C6orf141: variants seen among roughly 807,000 people sequenced by gnomAD.
C6orf141 encodes uncharacterized protein C6orf141.
For missense variants in C6orf141, 361 were observed against 335.8 expected (o/e 1.07, Z -0.59); for synonymous variants, 164 against 140.5 (o/e 1.17, Z -1.18).
In C6orf141 at chr6:49,550,976, C is replaced by T. The variant is rs1209671249; in HGVS notation, c.184C>T (p.His62Tyr). The T allele has an allele frequency of 3.2e-6, 5 of 1,550,764 alleles. No homozygotes were observed. The South Asian group carries it at 6.0e-5, about 18-fold the overall frequency. ...AGASRSQGGG[H>Y]EDRTADRALG... ...GGCGAGCCGAAGCCAGGGCGGCGGC[C>T]ACGAGGACAGAACGGCAGATCGGGC... Residue 62 changes from histidine (H) to tyrosine (Y), a missense_variant, in exon 1 of 1, where the codon CAC becomes TAC. By Grantham distance (83) the His-to-Tyr change is moderately conservative. Transcript: ENST00000529246.
At position 49,550,898 on chromosome 6, in the gene C6orf141, G is replaced by A. The variant is rs1229932624; in HGVS notation, c.106G>A (p.Val36Ile). The A allele has an allele frequency of 6.5e-7, 1 of 1,527,518 alleles. No homozygotes were observed. The allele number at this position is 1,527,518 out of a possible 1,614,324, so 94.6% of individuals were successfully genotyped here. The part of the protein sequence containing the change: ...LGDLGPFPRE[V>I]GRGAPLAPGA... ...GGACCTCGGGCCTTTTCCGCGGGAG[G>A]TAGGGCGCGGGGCTCCGCTAGCTCC... Residue 36 changes from valine to isoleucine, a missense_variant, in exon 1 of 1, where the codon GTA becomes ATA. Coordinates refer to ENST00000529246, the MANE Select transcript of C6orf141 (RefSeq NM_001145652.2).
chr6:49,559,165 CATATATATATATATATATATATAT>C (rs66650945), intron 4 of C6orf141, among the ~76,000 whole-genome samples: 617 of 37,274 alleles, frequency 0.017, 18 homozygotes, highest in Middle Eastern at 0.028. Flanking sequence ...GGTCATTGTC[CATATATATATATATATATATATAT>C]ATATATATAT....
rs1561988878 is a variant in C6orf141, at chr6:49,550,865, A to G, written c.73A>G (p.Ser25Gly). 6.6e-7 allele frequency: 1 copy of G among 1,503,938 alleles called. No homozygotes were observed. The highest frequency in any genetic ancestry group is 2.5e-5 in the East Asian group (1 of 40,526). 93.2% of individuals were successfully genotyped at this position (1,503,938 alleles called of 1,614,324 possible). Residue 25 changes from serine (S) to glycine (G), a missense_variant, in exon 1 of 1, where the codon AGC becomes GGC. Ser to Gly is a moderately conservative substitution (Grantham distance 56, BLOSUM62 0). Coordinates refer to ENST00000529246, the MANE Select transcript of C6orf141 (RefSeq NM_001145652.2). ...GAANPMDSSR[S>G]LGDLGPFPRE... ...TGCGAATCCCATGGACTCCTCCCGC[A>G]GCCTGGGGGACCTCGGGCCTTTTCC...
chr6:49,556,749 G>T (rs1772022492), downstream of C6orf141, among the ~76,000 whole-genome samples: 1 of 152,160 alleles, frequency 6.6e-6, no homozygotes, highest in East Asian at 1.9e-4. Context: ...CTCTATAACT[G>T]CAGTCAGTAC....
downstream of C6orf141, among the ~76,000 whole-genome samples, chr6:49,556,186 T>C (rs1771900459): frequency 6.6e-6 from 1 of 152,228 alleles, no homozygotes; most frequent in African/African-American, 2.4e-5. Flanking sequence ...CATTGGATGA[T>C]TCACATTAAA....
chr6:49,560,567 C>T (rs924589890), intron 4 of C6orf141: 1 of 152,268 alleles, frequency 6.6e-6, no homozygotes, highest in Non-Finnish European at 1.5e-5. Flanking sequence ...ATGGCACGAT[C>T]TGAGCTCACT....
intron 4 of C6orf141, among the ~76,000 whole-genome samples, chr6:49,560,257 G>A (rs1043184718): frequency 1.3e-5 from 2 of 152,082 alleles, no homozygotes; most frequent in Non-Finnish European, 2.9e-5. Flanking sequence ...AGAGGTTGCA[G>A]TGAGCCGAGA....
In C6orf141 at chr6:49,550,855, C is replaced by A; in HGVS notation, c.63C>A (p.Asp21Glu). ...CTCAGGGAGCTGCGAATCCCATGGA[C>A]TCCTCCCGCAGCCTGGGGGACCTCG... ...RGPQGAANPM[D>E]SSRSLGDLGP... Residue 21 changes from aspartate (D) to glutamate (E), a missense_variant, in exon 1 of 1, where the codon GAC (aspartate) becomes GAA (glutamate). Physicochemically the swap from Asp to Glu is conservative, Grantham distance 45 (BLOSUM62 2). Coordinates refer to ENST00000529246, the MANE Select transcript of C6orf141 (RefSeq NM_001145652.2). 6.0e-6 allele frequency: 9 copies of A among 1,498,758 alleles called. No individual in the cohort carries two copies. Among genetic ancestry groups the A allele is most frequent in the Non-Finnish European group, 8.0e-6 (9 of 1,128,044 alleles). The allele number at this position is 1,498,758 out of a possible 1,614,324, so 92.8% of individuals were successfully genotyped here.
chr6:49,551,378 C>G lies in C6orf141; in HGVS notation c.586C>G (p.Arg196Gly), dbSNP rs1230963519. ...GCACTTCGTGACCGCGCTCACTTTT[C>G]GCAGCAGTAGAGAGGGACAGCCTGG... Reference protein sequence around the residue: ...EEHFVTALTFRSSREGQPGER... With the variant: ...EEHFVTALTFGSSREGQPGER... The change falls in exon 1 of 1, where the codon CGC (arginine) becomes GGC (glycine). Residue 196 changes from arginine (R) to glycine (G), a missense_variant. Coordinates refer to ENST00000529246, the MANE Select transcript of C6orf141 (RefSeq NM_001145652.2). 1 of 1,551,660 alleles carries G rather than the reference C, an allele frequency of 6.4e-7. No homozygotes were observed. Among genetic ancestry groups the G allele is most frequent in the Non-Finnish European group, 8.7e-7 (1 of 1,146,980 alleles).
intron 4 of C6orf141, among the ~76,000 whole-genome samples, chr6:49,557,355 G>T (rs528571597): frequency 5.3e-5 from 8 of 152,194 alleles, no homozygotes; most frequent in Admixed American, 2.0e-4. Flanking sequence ...TGCAGAGCTT[G>T]CTATAATAAG....
At chr6:49,558,113 A>C (rs1207184915) in intron 4 of C6orf141, among the ~76,000 whole-genome samples, 3 of 129,736 alleles carry the variant, frequency 2.3e-5, no homozygotes, top group East Asian at 4.8e-4. Context: ...CATGTTGGCC[A>C]GGCTGGTCTC....
At chr6:49,556,402 T>A (rs1771944419), downstream of C6orf141, among the ~76,000 whole-genome samples, 1 of 152,180 alleles carries the variant, frequency 6.6e-6, no homozygotes, top group Non-Finnish European at 1.5e-5. Flanking sequence ...GGCGAAGAGA[T>A]CTCTATGAAG....
intron 4 of C6orf141, among the ~76,000 whole-genome samples, chr6:49,560,367 G>A (rs1394792228): frequency 6.6e-6 from 1 of 152,180 alleles, no homozygotes; most frequent in African/African-American, 2.4e-5. Flanking sequence ...TTGGGATTCT[G>A]TTGGAGTGGA....
chr6:49,551,643 GGTGCAGCGCTTC>G lies in C6orf141; in HGVS notation c.*118_*129del. 1 of 1,484,526 alleles carries G rather than the reference GGTGCAGCGCTTC, an allele frequency of 6.7e-7. No homozygotes were observed. Among genetic ancestry groups the G allele is most frequent in the Non-Finnish European group, 8.9e-7 (1 of 1,121,102 alleles). The allele number at this position is 1,484,526 out of a possible 1,614,324, so 92.0% of individuals were successfully genotyped here. A position where few individuals can be genotyped will look rare whatever the true frequency, so the allele number is the denominator to read the frequency against. On this transcript the variant is annotated 3_prime_UTR_variant, in exon 1 of 1. Transcript: ENST00000529246. ...TACAGAAGGAACCTTTTGAGAGGCT[GGTGCAGCGCTTC>G]GGGGAGGCAGATTAAGAACTGTAAG...
Position 49,552,080 on chromosome 6 carries a change from G to A in C6orf141, c.*553G>A. The A allele has an allele frequency of 2.6e-6, 1 of 385,268 alleles. No individual in the cohort carries two copies. The highest frequency in any genetic ancestry group is 3.7e-6 in the Non-Finnish European group (1 of 269,748). 23.9% of individuals were successfully genotyped at this position (385,268 alleles called of 1,614,324 possible). On this transcript the variant is annotated 3_prime_UTR_variant, in exon 1 of 1. Coordinates refer to ENST00000529246, the MANE Select transcript of C6orf141 (RefSeq NM_001145652.2). ...TTTCAGTGTTAGAAAGAAAACGAGA[G>A]GAGCTAGGGAAAGAAGGAGTTGGGG...
At chr6:49,559,389 G>A (rs1426721400) in intron 4 of C6orf141, among the ~76,000 whole-genome samples, 1 of 151,792 alleles carries the variant, frequency 6.6e-6, no homozygotes, top group Non-Finnish European at 1.5e-5. Flanking sequence ...AGCCTTGCAA[G>A]TAGCTTTTTT....
chr6:49,555,832 C>A (rs1198915435), downstream of C6orf141, among the ~76,000 whole-genome samples: 1 of 152,132 alleles, frequency 6.6e-6, no homozygotes, highest in Non-Finnish European at 1.5e-5. Context: ...TATTAAAATC[C>A]TGGACTCAAG....
chr6:49,560,920 G>A (rs1272585481), intron 4 of C6orf141: 1 of 152,116 alleles, frequency 6.6e-6, no homozygotes, highest in Non-Finnish European at 1.5e-5. Context: ...TAAAGCAGAT[G>A]TGATTTTCAA....
At chr6:49,560,111 C>G (rs1242494990) in intron 4 of C6orf141, among the ~76,000 whole-genome samples, 1 of 152,056 alleles carries the variant, frequency 6.6e-6, no homozygotes, top group Non-Finnish European at 1.5e-5. Context: ...GTCTGGAGTT[C>G]GAAACCAGCC....
Sources: allele counts gnomAD v4.1 joint callset (sites outside exome capture counted in the v4.1 genomes callset), GRCh38; gene constraint gnomAD v4.1.1; transcripts MANE v1.5; gene names NCBI Gene and HGNC (gene_info 2026-07-23, HGNC 2026-07-21).